ACOT13: variants seen among roughly 807,000 people sequenced by gnomAD.
The protein encoded by ACOT13 is acyl-coenzyme A thioesterase 13.
In ACOT13, 10 loss-of-function variants were observed where a neutral mutation model predicts 11.8. The ratio of observed to expected loss-of-function variants is 0.85; its 90% CI spans 0.53 to 1.44. The LOEUF (loss-of-function observed/expected upper bound fraction) is 1.44, where lower values mean the gene tolerates loss of function less well. Among genes scored for constraint, ACOT13 ranks in the 40% most tolerant of loss-of-function variants. The pLI, the probability that ACOT13 is intolerant of heterozygous loss-of-function variation, is 0.00. For synonymous variants in ACOT13, 53 were observed against 61.0 expected (o/e 0.87, Z 0.61); for missense variants, 172 against 174.1 (o/e 0.99, Z 0.07).
At chr6:24,679,152 C>T (rs1230830005) in intron 1 of ACOT13, among the ~76,000 whole-genome samples, 10 of 152,170 alleles carry the variant, frequency 6.6e-5, no homozygotes, top group Admixed American at 4.6e-4. Context: ...ATTAGGCATT[C>T]GATTTGCCCA....
chr6:24,699,782 TC>T (rs1313676469), intron 2 of ACOT13, among the ~76,000 whole-genome samples: 11 of 152,208 alleles, frequency 7.2e-5, no homozygotes, highest in Non-Finnish European at 1.3e-4. Flanking sequence ...AGAGAGATCT[TC>T]AAACCTAGCA....
intron 2 of ACOT13, among the ~76,000 whole-genome samples, chr6:24,700,088 A>G (rs751211724): frequency 2.0e-5 from 3 of 152,210 alleles, no homozygotes; most frequent in African/African-American, 7.2e-5. Context: ...ATCAAGTCCT[A>G]TATTATACAG....
chr6:24,701,365 G>C, intron 2 of ACOT13, 94 bp from the exon 3 acceptor site: 1 of 1,135,024 alleles, frequency 8.8e-7, no homozygotes, highest in Non-Finnish European at 1.2e-6. Context: ...ATTTTTAGGA[G>C]TAAAATAAGT....
chr6:24,689,301 G>T (rs1270012055), intron 1 of ACOT13, among the ~76,000 whole-genome samples: 1 of 152,126 alleles, frequency 6.6e-6, no homozygotes, highest in African/African-American at 2.4e-5. Context: ...TTGATAAATT[G>T]TAGTATATTC....
chr6:24,684,477 C>G (rs910098072), intron 1 of ACOT13, among the ~76,000 whole-genome samples: 1 of 152,156 alleles, frequency 6.6e-6, no homozygotes, highest in Non-Finnish European at 1.5e-5. Context: ...CTGGAATAGT[C>G]ATAAACTACA....
At chr6:24,687,594 A>G (rs1778652657) in intron 1 of ACOT13, 2 of 1,464,308 alleles carry the variant, frequency 1.4e-6, no homozygotes, top group Non-Finnish European at 1.8e-6. Flanking sequence ...AAGAGGAGGA[A>G]CACACTGGAG....
chr6:24,689,905 TAGC>T (rs1778695971), intron 1 of ACOT13, among the ~76,000 whole-genome samples: 1 of 152,200 alleles, frequency 6.6e-6, no homozygotes, highest in African/African-American at 2.4e-5. Context: ...TAATTAATTT[TAGC>T]AGTAGTGAAT....
chr6:24,667,858 CTGAG>C (rs1778287101), intron 1 of ACOT13, among the ~76,000 whole-genome samples: 1 of 152,220 alleles, frequency 6.6e-6, no homozygotes, highest in Admixed American at 6.5e-5. Context: ...TGGAGGAAGA[CTGAG>C]TGCTTTTCTG....
chr6:24,690,256 T>C (rs1778700719), intron 1 of ACOT13, among the ~76,000 whole-genome samples: 1 of 152,272 alleles, frequency 6.6e-6, no homozygotes, highest in South Asian at 2.1e-4. Flanking sequence ...ATTGCAAAAA[T>C]TCTACACAAT....
intron 1 of ACOT13, among the ~76,000 whole-genome samples, chr6:24,696,675 A>G (rs922924364): frequency 1.3e-5 from 2 of 152,182 alleles, no homozygotes; most frequent in African/African-American, 4.8e-5. Flanking sequence ...ATACCATGAT[A>G]TTATACCCTG....
At chr6:24,686,514 A>C (rs1016433984) in intron 1 of ACOT13, among the ~76,000 whole-genome samples, 4 of 151,944 alleles carry the variant, frequency 2.6e-5, no homozygotes, top group Non-Finnish European at 5.9e-5. Context: ...AAATGGCAAG[A>C]GAGAGGGAGT....
intron 1 of ACOT13, among the ~76,000 whole-genome samples, chr6:24,671,097 C>T (rs914605287): frequency 2.0e-5 from 3 of 152,086 alleles, no homozygotes; most frequent in Non-Finnish European, 2.9e-5. Flanking sequence ...TTTGACCCAG[C>T]CATCCCATTA....
In ACOT13 at chr6:24,685,905, C is replaced by T. The variant is rs147930774; in HGVS notation, c.82-11978C>T. 2.3e-3 allele frequency among the ~76,000 whole-genome samples: 346 copies of T among 152,186 alleles called. 3 individuals are homozygous for T. Among genetic ancestry groups the T allele is most frequent in the African/African-American group, 7.8e-3 (322 of 41,542 alleles). On this transcript the variant is annotated intron_variant, in intron 1 of 2. Transcript: ENST00000230048. The stretch of plus-strand genomic sequence containing the variant: ...AGCATTGACTTAGAACAAAGATTAA[C>T]AGTCAGGCTGAGTACCATAGCGCAC...
chr6:24,700,638 G>A (rs911879333), intron 2 of ACOT13, among the ~76,000 whole-genome samples: 10 of 151,836 alleles, frequency 6.6e-5, no homozygotes, highest in African/African-American at 1.9e-4. Flanking sequence ...GTTTCACCAC[G>A]TTGGCCGGGC....
chr6:24,679,218 GC>G (rs1778507276), intron 1 of ACOT13, among the ~76,000 whole-genome samples: 1 of 149,500 alleles, frequency 6.7e-6, no homozygotes. Context: ...CATGACTAAA[GC>G]AGTGGCCTTT....
At position 24,702,051 on chromosome 6, in the gene ACOT13, C is replaced by A. The variant is rs2127630063; in HGVS notation, c.*436C>A. The A allele has an allele frequency of 6.5e-6, 1 of 153,400 alleles. No individual in the cohort carries two copies. The highest frequency in any genetic ancestry group is 3.4e-3 in the Middle Eastern group (1 of 298). 9.5% of individuals were successfully genotyped at this position (153,400 alleles called of 1,614,324 possible). ...CCCAGCAGATCCTGTTAGGTGAGGG[C>A]CCGCTTCCTGGCTCATAGATGGTGC... On this transcript the variant is annotated 3_prime_UTR_variant, in exon 3 of 3. Transcript: ENST00000230048.
At chr6:24,677,292 A>G (rs145453979) in intron 1 of ACOT13, among the ~76,000 whole-genome samples, 37 of 152,366 alleles carry the variant, frequency 2.4e-4, no homozygotes, top group Non-Finnish European at 3.8e-4. Context: ...ACAAGTGCGC[A>G]GTCACACCAC....
intron 1 of ACOT13, among the ~76,000 whole-genome samples, chr6:24,677,324 CT>C (rs1778470912): frequency 6.6e-6 from 1 of 152,230 alleles, no homozygotes; most frequent in Admixed American, 6.5e-5. Flanking sequence ...GTAATAGAGC[CT>C]GATATTTAAG....
intron 2 of ACOT13, 34 bp from the exon 3 acceptor site, chr6:24,701,425 T>TATC: frequency 6.4e-7 from 1 of 1,571,096 alleles, no homozygotes; most frequent in Non-Finnish European, 8.7e-7. Flanking sequence ...TTTGAAAAAT[T>TATC]ATCTGCTGTT....
Sources: allele counts gnomAD v4.1 joint callset (sites outside exome capture counted in the v4.1 genomes callset), GRCh38; gene constraint gnomAD v4.1.1; transcripts MANE v1.5; gene names NCBI Gene and HGNC (gene_info 2026-07-23, HGNC 2026-07-21).